Variants in ADTRP observed in about 807,000 individuals in gnomAD.
ADTRP encodes the protein androgen-dependent TFPI-regulating protein.
Under a neutral mutation model 27.0 loss-of-function variants are expected in ADTRP, and 20 were observed. That is an observed-to-expected ratio of 0.74 (90% CI 0.52 to 1.08). ADTRP has a LOEUF of 1.08. ADTRP is among the 50% of genes least tolerant of loss of function. ADTRP has a pLI of 0.00. For synonymous variants in ADTRP, 101 were observed against 105.2 expected (o/e 0.96, Z 0.25); for missense variants, 251 against 275.0 (o/e 0.91, Z 0.62).
chr6:11,715,531 G>A (rs747705306), intron 5 of ADTRP, among the ~76,000 whole-genome samples: 3 of 151,922 alleles, frequency 2.0e-5, no homozygotes, highest in Non-Finnish European at 4.4e-5. Flanking sequence ...TTCTTCGTCT[G>A]CTCCTCATCA....
intron 3 of ADTRP, among the ~76,000 whole-genome samples, chr6:11,766,031 A>T (rs374569510): frequency 1.5e-4 from 23 of 152,300 alleles, no homozygotes; most frequent in African/African-American, 5.5e-4. Flanking sequence ...GTCTTTTCAA[A>T]GACTTCCTAA....
chr6:11,767,079 A>T (rs1218090470), intron 2 of ADTRP, among the ~76,000 whole-genome samples: 1 of 152,264 alleles, frequency 6.6e-6, no homozygotes, highest in Non-Finnish European at 1.5e-5. Context: ...TGATTTTAAA[A>T]ACTTGGCTAT....
At chr6:11,771,085 G>A (rs1763760624) in intron 1 of ADTRP, among the ~76,000 whole-genome samples, 1 of 151,574 alleles carries the variant, frequency 6.6e-6, no homozygotes, top group Non-Finnish European at 1.5e-5. Flanking sequence ...GCCTCTCCCA[G>A]TCACAGGATG....
intron 3 of ADTRP, chr6:11,754,896 C>T (rs969839473): frequency 7.7e-5 from 29 of 375,840 alleles, no homozygotes; most frequent in East Asian, 1.7e-4. Flanking sequence ...CGCTCTCATC[C>T]GCCCAGCAGG....
At chr6:11,724,727 C>A (rs1762131133) in intron 4 of ADTRP, among the ~76,000 whole-genome samples, 1 of 152,200 alleles carries the variant, frequency 6.6e-6, no homozygotes, top group Non-Finnish European at 1.5e-5. Context: ...ATTTCATCAA[C>A]CTTTCTGTCC....
intron 4 of ADTRP, among the ~76,000 whole-genome samples, chr6:11,732,518 C>A (rs1762422430): frequency 6.6e-6 from 1 of 152,164 alleles, no homozygotes; most frequent in Non-Finnish European, 1.5e-5. Context: ...GGTTGGCAGG[C>A]ACCAAAGAGT....
intron 1 of ADTRP, chr6:11,770,203 CA>C (rs1396679729): frequency 1.1e-6 from 1 of 886,672 alleles, no homozygotes; most frequent in African/African-American, 1.7e-5. Flanking sequence ...GACCACTTCA[CA>C]AACCACCGCT....
intron 1 of ADTRP, among the ~76,000 whole-genome samples, chr6:11,770,298 T>A (rs1376313780): frequency 6.6e-6 from 1 of 152,056 alleles, no homozygotes; most frequent in Non-Finnish European, 1.5e-5. Context: ...TCCTCCCAGG[T>A]GATTCTAATC....
intron 3 of ADTRP, among the ~76,000 whole-genome samples, chr6:11,761,552 C>A (rs1339554890): frequency 1.3e-5 from 2 of 151,936 alleles, no homozygotes; most frequent in Non-Finnish European, 2.9e-5. Context: ...GATTAGGGAC[C>A]ATATTTGATG....
chr6:11,770,987 C>T (rs1763755830), intron 1 of ADTRP, among the ~76,000 whole-genome samples: 2 of 152,208 alleles, frequency 1.3e-5, no homozygotes, highest in South Asian at 4.1e-4. Flanking sequence ...GCCGCCTCCG[C>T]CCGGCGTGTG....
intron 3 of ADTRP, among the ~76,000 whole-genome samples, chr6:11,749,374 AC>A (rs1298813735): frequency 6.6e-6 from 1 of 152,196 alleles, no homozygotes; most frequent in African/African-American, 2.4e-5. Context: ...ATTCAGAGAT[AC>A]CTACTGATAT....
chr6:11,775,692 A>C (rs560998250), intron 1 of ADTRP, among the ~76,000 whole-genome samples: 25 of 152,140 alleles, frequency 1.6e-4, no homozygotes, highest in Non-Finnish European at 3.5e-4. Context: ...GGAGTAGCTC[A>C]GTGCAACTCG....
At chr6:11,764,728 A>ATCAT (rs1237616361) in intron 3 of ADTRP, among the ~76,000 whole-genome samples, 3 of 152,058 alleles carry the variant, frequency 2.0e-5, no homozygotes, top group African/African-American at 7.2e-5. Flanking sequence ...GCCTCCTATG[A>ATCAT]GTTCAGTGGC....
intron 4 of ADTRP, among the ~76,000 whole-genome samples, chr6:11,727,697 G>T (rs1762254086): frequency 1.3e-5 from 2 of 152,156 alleles, no homozygotes; most frequent in African/African-American, 2.4e-5. Context: ...AATGAATTGT[G>T]TACTTTCACA....
intron 3 of ADTRP, among the ~76,000 whole-genome samples, chr6:11,751,174 G>A (rs1478966894): frequency 6.6e-6 from 1 of 152,232 alleles, no homozygotes; most frequent in Non-Finnish European, 1.5e-5. Flanking sequence ...ACTGGAATTA[G>A]TGATTAGTTG....
chr6:11,736,090 G>A, intron 3 of ADTRP: 1 of 162,342 alleles, frequency 6.2e-6, no homozygotes, highest in African/African-American at 2.4e-5. Flanking sequence ...AGCCTCCTGA[G>A]TAGCTGGGAT....
chr6:11,717,186 C>A, intron 5 of ADTRP: 1 of 998,392 alleles, frequency 1.0e-6, no homozygotes, highest in Non-Finnish European at 1.3e-6. Flanking sequence ...AAGCATTTTT[C>A]CCAGTAGAAA....
chr6:11,722,101 A>G (rs1762040216), intron 5 of ADTRP, among the ~76,000 whole-genome samples: 1 of 152,142 alleles, frequency 6.6e-6, no homozygotes, highest in African/African-American at 2.4e-5. Context: ...ACTAGTTAGA[A>G]TTATATGTCA....
chr6:11,724,213 C>G (rs899334347), intron 4 of ADTRP, among the ~76,000 whole-genome samples: 1 of 152,008 alleles, frequency 6.6e-6, no homozygotes, highest in Non-Finnish European at 1.5e-5. Flanking sequence ...TTTGCTGGCT[C>G]TAAGCCAGAG....
Sources: allele counts gnomAD v4.1 joint callset (sites outside exome capture counted in the v4.1 genomes callset), GRCh38; gene constraint gnomAD v4.1.1; transcripts MANE v1.5; gene names NCBI Gene and HGNC (gene_info 2026-07-23, HGNC 2026-07-21).